IGF2BP3: variants seen among roughly 807,000 people sequenced by gnomAD.
IGF2BP3 encodes insulin-like growth factor 2 mRNA-binding protein 3.
Under a neutral mutation model 73.8 loss-of-function variants are expected in IGF2BP3, and 9 were observed. The observed-to-expected ratio is 0.12, with a 90% confidence interval of 0.07 to 0.21. The LOEUF (loss-of-function observed/expected upper bound fraction) is 0.21, where lower values mean the gene tolerates loss of function less well. IGF2BP3 is among the 10% of genes least tolerant of loss of function. IGF2BP3 has a pLI of 1.00. For synonymous variants in IGF2BP3, 258 were observed against 256.7 expected (o/e 1.01, Z -0.05); for missense variants, 542 against 714.0 (o/e 0.76, Z 2.75).
At chr7:23,326,156 C>A (rs901252765) in intron 10 of IGF2BP3, among the ~76,000 whole-genome samples, 1 of 152,150 alleles carries the variant, frequency 6.6e-6, no homozygotes, top group Admixed American at 6.5e-5. Flanking sequence ...AAAATTTTCG[C>A]AACCTACTCA....
intron 10 of IGF2BP3, among the ~76,000 whole-genome samples, chr7:23,340,256 A>T (rs894106864): frequency 6.6e-6 from 1 of 151,986 alleles, no homozygotes; most frequent in East Asian, 1.9e-4. Flanking sequence ...GATGGCTATC[A>T]TTCTGTTACA....
At chr7:23,360,312 G>A (rs1198966428) in intron 5 of IGF2BP3, among the ~76,000 whole-genome samples, 2 of 152,060 alleles carry the variant, frequency 1.3e-5, no homozygotes, top group African/African-American at 2.4e-5. Context: ...TCCAAACTGC[G>A]ATTAATCAAA....
intron 3 of IGF2BP3, among the ~76,000 whole-genome samples, chr7:23,378,153 T>C (rs1435105914): frequency 6.6e-6 from 1 of 152,158 alleles, no homozygotes; most frequent in Non-Finnish European, 1.5e-5. Flanking sequence ...AAACAGGATA[T>C]AAAATTATAC....
At chr7:23,317,847 G>A in intron 11 of IGF2BP3, 134 bp from the exon 12 acceptor site, 1 of 703,914 alleles carries the variant, frequency 1.4e-6, no homozygotes, top group Non-Finnish European at 2.5e-6. Context: ...ATTAGGGAGA[G>A]GCAGCAATTC....
chr7:23,457,454 C>T (rs1169396117), intron 2 of IGF2BP3, among the ~76,000 whole-genome samples: 3 of 151,788 alleles, frequency 2.0e-5, no homozygotes, highest in Non-Finnish European at 4.4e-5. Context: ...GAGACCAAGA[C>T]CCTGTTTCAA....
At chr7:23,431,820 C>T (rs994740351) in intron 2 of IGF2BP3, among the ~76,000 whole-genome samples, 5 of 151,382 alleles carry the variant, frequency 3.3e-5, no homozygotes, top group Non-Finnish European at 7.4e-5. Context: ...TGGCCCCTCC[C>T]CCGCCAACCC....
At chr7:23,328,803 T>A (rs970017611) in intron 10 of IGF2BP3, among the ~76,000 whole-genome samples, 4 of 152,196 alleles carry the variant, frequency 2.6e-5, no homozygotes, top group African/African-American at 9.6e-5. Flanking sequence ...CAGTACTTCG[T>A]TCTTTCAAGC....
intron 2 of IGF2BP3, among the ~76,000 whole-genome samples, chr7:23,453,978 C>A (rs1357151413): frequency 6.6e-6 from 1 of 152,306 alleles, no homozygotes; most frequent in Admixed American, 6.5e-5. Context: ...AGGCACGCAC[C>A]ACCATGCCTG....
intron 2 of IGF2BP3, among the ~76,000 whole-genome samples, chr7:23,466,749 C>A (rs980869049): frequency 1.1e-4 from 16 of 152,126 alleles, no homozygotes; most frequent in South Asian, 2.1e-4. Flanking sequence ...GGGAGAAATT[C>A]CCATCGGTTA....
chr7:23,384,534 T>C (rs951890267), intron 3 of IGF2BP3, among the ~76,000 whole-genome samples: 7 of 152,092 alleles, frequency 4.6e-5, no homozygotes, highest in Admixed American at 1.3e-4. Context: ...ACAAAAGATA[T>C]ATTAGTCTTT....
rs560236629 is a variant in IGF2BP3, at chr7:23,343,848, T to C, written c.947A>G (p.Gln316Arg). ...TDTKITISPL[Q>R]ELTLYNPERT... is the part of the protein sequence containing the mutation. ...TTCTGGATTATACAGCGTCAATTCC[T>C]GCAATCTGCAGAATGAAAAAGAAGG... Residue 316 changes from glutamine (Q) to arginine (R), a missense_variant, in exon 9 of 15, where the codon CAG (glutamine) becomes CGG (arginine). This residue lies in a region of IGF2BP3 where 303 missense variants were observed against 472.1 expected (regional missense o/e 0.64). Transcript: ENST00000258729. 1.2e-6 allele frequency: 2 copies of C among 1,610,148 alleles called. No individual in the cohort carries two copies. The highest frequency in any genetic ancestry group is 2.2e-5 in the South Asian group (2 of 90,208).
At position 23,421,467 on chromosome 7, in the gene IGF2BP3, C is replaced by A. The variant is rs1024469388; in HGVS notation, c.237-2643G>T. ...CGGCACTTTGGGAGGCTGAGGTGGG[C>A]GGATCACCTGAGGTCAGAAGTTCGA... On this transcript the variant is annotated intron_variant, in intron 2 of 14. Coordinates refer to ENST00000258729, the MANE Select transcript of IGF2BP3 (RefSeq NM_006547.3). Among the ~76,000 whole-genome samples the A allele has an allele frequency of 2.0e-5, 3 of 151,640 alleles. No homozygotes were observed. The South Asian group carries it at 6.3e-4, about 32-fold the overall frequency.
intron 3 of IGF2BP3, among the ~76,000 whole-genome samples, chr7:23,390,933 G>A (rs899063162): frequency 1.3e-5 from 2 of 151,086 alleles, no homozygotes; most frequent in Admixed American, 6.6e-5. Flanking sequence ...TGAGTGGCTG[G>A]GATCACAAGC....
At chr7:23,451,144 G>A (rs1014226705) in intron 2 of IGF2BP3, among the ~76,000 whole-genome samples, 13 of 151,714 alleles carry the variant, frequency 8.6e-5, no homozygotes, top group Admixed American at 3.3e-4. Flanking sequence ...AGGGCCAGAC[G>A]CAGTGGCTCA....
chr7:23,382,894 C>CAAAAAAAAA (rs57466793), intron 3 of IGF2BP3, among the ~76,000 whole-genome samples: 11 of 49,108 alleles, frequency 2.2e-4, no homozygotes, highest in East Asian at 9.5e-4. Context: ...CTAGCTCTAC[C>CAAAAAAAAA]AAAAAAAAAA....
chr7:23,360,157 G>A (rs74625734), intron 5 of IGF2BP3, among the ~76,000 whole-genome samples: 6,912 of 151,656 alleles, frequency 0.046, 531 homozygotes, highest in African/African-American at 0.16. Flanking sequence ...ATTTAAACTA[G>A]CTCCAGCTCT....
At chr7:23,432,306 C>T (rs1011543992) in intron 2 of IGF2BP3, among the ~76,000 whole-genome samples, 2 of 152,188 alleles carry the variant, frequency 1.3e-5, no homozygotes, top group African/African-American at 4.8e-5. Flanking sequence ...TGCATTTACA[C>T]ACTGCTATGT....
At chr7:23,370,028 T>C (rs1051853516) in intron 3 of IGF2BP3, among the ~76,000 whole-genome samples, 1 of 152,194 alleles carries the variant, frequency 6.6e-6, no homozygotes, top group African/African-American at 2.4e-5. Flanking sequence ...TGGTTTCAAA[T>C]TGCCAGTATA....
chr7:23,407,547 G>A (rs1180507619), intron 3 of IGF2BP3, among the ~76,000 whole-genome samples: 3 of 150,078 alleles, frequency 2.0e-5, no homozygotes, highest in Admixed American at 6.7e-5. Flanking sequence ...GGCAGAGGTT[G>A]TGGTGAGCCA....
Sources: allele counts gnomAD v4.1 joint callset (sites outside exome capture counted in the v4.1 genomes callset), GRCh38; gene constraint gnomAD v4.1.1; regional missense constraint gnomAD v4.1.1; transcripts MANE v1.5; gene names NCBI Gene and HGNC (gene_info 2026-07-23, HGNC 2026-07-21).